The following MAD1L1 variants were observed in gnomAD, a reference collection of about 807,000 sequenced individuals.
MAD1L1 encodes the protein mitotic spindle assembly checkpoint protein MAD1.
Under a neutral mutation model 96.9 loss-of-function variants are expected in MAD1L1, and 95 were observed. That is an observed-to-expected ratio of 0.98 (90% CI 0.83 to 1.16). The LOEUF (loss-of-function observed/expected upper bound fraction) is 1.16, where lower values mean the gene tolerates loss of function less well. Ranked by LOEUF, MAD1L1 falls within the 50% of genes most tolerant of loss-of-function variation. MAD1L1 has a pLI of 0.00. For synonymous variants in MAD1L1, 473 were observed against 396.6 expected, an observed-to-expected ratio of 1.19 and a Z score of -2.29; for missense variants, 1,007 against 954.4, an observed-to-expected ratio of 1.06 and a Z score of -0.73.
chr7:1,849,413 C>A (rs73671096), intron 18 of MAD1L1: 14,497 of 152,218 alleles, frequency 0.095, 1,091 homozygotes, highest in African/African-American at 0.21. Context: ...CACGTCTTAG[C>A]CGGGTGAAGC....
intron 17 of MAD1L1, among the ~76,000 whole-genome samples, chr7:1,910,470 G>C (rs1374412180): frequency 6.6e-6 from 1 of 152,236 alleles, no homozygotes; most frequent in Non-Finnish European, 1.5e-5. Context: ...CTGTTGAGGG[G>C]ACCCCTTGAA....
intron 11 of MAD1L1, among the ~76,000 whole-genome samples, chr7:2,071,919 AC>A (rs1785149987): frequency 2.6e-5 from 4 of 152,162 alleles, no homozygotes; most frequent in Admixed American, 6.5e-5. Context: ...GAGGGCACGG[AC>A]GCTCTGCACC....
chr7:1,973,673 G>A (rs918170902), intron 15 of MAD1L1, among the ~76,000 whole-genome samples: 3 of 152,148 alleles, frequency 2.0e-5, no homozygotes, highest in Non-Finnish European at 2.9e-5. Flanking sequence ...GAAGGGCAGC[G>A]GCAGCCTCCC....
At chr7:1,927,079 C>G (rs1045814286) in intron 17 of MAD1L1, among the ~76,000 whole-genome samples, 1 of 152,166 alleles carries the variant, frequency 6.6e-6, no homozygotes, top group Non-Finnish European at 1.5e-5. Context: ...TCTACACACA[C>G]GCACTGAACA....
intron 11 of MAD1L1, among the ~76,000 whole-genome samples, chr7:2,145,649 A>T (rs1049517913): frequency 1.3e-5 from 2 of 152,120 alleles, no homozygotes; most frequent in African/African-American, 2.4e-5. Context: ...CCGGCTCGGC[A>T]TCTGCTCACT....
At chr7:2,175,357 C>T (rs1426414338) in intron 10 of MAD1L1, 2 of 152,134 alleles carry the variant, frequency 1.3e-5, no homozygotes, top group Non-Finnish European at 2.9e-5. Flanking sequence ...AGCTAGCTCT[C>T]AGCTTTCCCC....
Position 1,873,646 on chromosome 7 carries a change from G to A in MAD1L1, c.1998+24554C>T, listed in dbSNP as rs1478031505. On this transcript the variant is annotated intron_variant, in intron 18 of 18. Coordinates refer to ENST00000265854, the MANE Select transcript of MAD1L1 (RefSeq NM_001013836.2). The stretch of plus-strand genomic sequence containing the variant: ...GATCCTGGCAGGGGACACACCAGCT[G>A]CCCACTGCTGCCTCCCTCACTGTAA... 2.6e-5 allele frequency among the ~76,000 whole-genome samples: 4 copies of A among 152,202 alleles called. No homozygotes were observed. The East Asian group carries it at 7.7e-4, about 29-fold the overall frequency.
chr7:1,907,461 A>G (rs1787731597), intron 17 of MAD1L1, among the ~76,000 whole-genome samples: 1 of 152,270 alleles, frequency 6.6e-6, no homozygotes, highest in African/African-American at 2.4e-5. Context: ...ACCCACAAAA[A>G]GGGACTAATA....
intron 17 of MAD1L1, among the ~76,000 whole-genome samples, chr7:1,931,831 C>T (rs766689161): frequency 1.3e-5 from 2 of 152,210 alleles, no homozygotes; most frequent in Admixed American, 6.5e-5. Context: ...AGCCAATGGT[C>T]GTCCTGCTTC....
intron 17 of MAD1L1, among the ~76,000 whole-genome samples, chr7:1,899,778 C>T (rs533361989): frequency 9.1e-4 from 138 of 152,270 alleles, no homozygotes; most frequent in African/African-American, 3.0e-3. Context: ...TTGTGCACAG[C>T]GGCCCGAAGA....
chr7:1,847,083 C>T, intron 18 of MAD1L1: 1 of 357,214 alleles, frequency 2.8e-6, no homozygotes, highest in South Asian at 2.1e-5. Flanking sequence ...AGATAATCTG[C>T]TCACATCCAT....
intron 8 of MAD1L1, 44 bp from the exon 9 acceptor site, chr7:2,216,043 G>A (rs749269118): frequency 1.2e-5 from 19 of 1,611,854 alleles, no homozygotes; most frequent in Admixed American, 1.7e-5. Flanking sequence ...ACACACCCTA[G>A]GGATAAGGCC....
chr7:2,208,005 T>A (rs537357483), intron 10 of MAD1L1, among the ~76,000 whole-genome samples: 1 of 152,266 alleles, frequency 6.6e-6, no homozygotes, highest in South Asian at 2.1e-4. Context: ...AACCTTCCAG[T>A]ATCTGGTGTC....
chr7:1,851,301 G>A (rs962677680), intron 18 of MAD1L1, among the ~76,000 whole-genome samples: 1 of 152,226 alleles, frequency 6.6e-6, no homozygotes, highest in African/African-American at 2.4e-5. Flanking sequence ...GCACAGGGTT[G>A]GGGGCTGATG....
At chr7:2,034,695 C>A (rs560117216) in intron 12 of MAD1L1, among the ~76,000 whole-genome samples, 4 of 152,356 alleles carry the variant, frequency 2.6e-5, no homozygotes, top group Admixed American at 6.5e-5. Context: ...TCCATGGCAC[C>A]TGCGCACGTG....
At chr7:1,913,601 T>C (rs1057359060) in intron 17 of MAD1L1, among the ~76,000 whole-genome samples, 2 of 151,900 alleles carry the variant, frequency 1.3e-5, no homozygotes, top group Non-Finnish European at 2.9e-5. Flanking sequence ...GGGCTCTGGC[T>C]CTAGAAGTGG....
At chr7:2,111,744 A>G (rs1787393138) in intron 11 of MAD1L1, among the ~76,000 whole-genome samples, 1 of 152,084 alleles carries the variant, frequency 6.6e-6, no homozygotes, top group South Asian at 2.1e-4. Flanking sequence ...TAAGCCCAAA[A>G]CCCTGGCGTG....
At chr7:2,197,571 G>C (rs1055820912) in intron 10 of MAD1L1, among the ~76,000 whole-genome samples, 11 of 152,170 alleles carry the variant, frequency 7.2e-5, no homozygotes, top group African/African-American at 2.7e-4. Context: ...CTCGGACACA[G>C]GCACGACCAG....
chr7:2,172,345 A>T lies in MAD1L1; in HGVS notation c.987-23107T>A, dbSNP rs572317571. On this transcript the variant is annotated intron_variant, in intron 10 of 18. Transcript: ENST00000265854. The stretch of plus-strand genomic sequence containing the variant: ...CACCGCTGGGAAGCTGCAGAATCCC[A>T]TGTGAACCCCAGACTCCAACTCTCG... 2.0e-5 allele frequency among the ~76,000 whole-genome samples: 3 copies of T among 152,226 alleles called. No individual in the cohort carries two copies. The South Asian group carries it at 6.2e-4, about 32-fold the overall frequency.
Sources: gnomAD v4.1 joint callset for allele counts (sites outside exome capture counted in the v4.1 genomes callset) on GRCh38, gnomAD v4.1.1 for gene constraint, MANE v1.5 for transcripts, NCBI Gene and HGNC (gene_info 2026-07-23, HGNC 2026-07-21) for gene names.